The following TSPEAR variants were observed in gnomAD, a reference collection of about 807,000 sequenced individuals.
TSPEAR encodes the protein thrombospondin type laminin G domain and EAR repeats.
In TSPEAR, 69 loss-of-function variants were observed where a neutral mutation model predicts 71.6. The observed-to-expected ratio is 0.96, with a 90% CI of 0.79 to 1.18. The LOEUF is 1.18. Ranked by LOEUF, TSPEAR falls within the 50% of genes most tolerant of loss-of-function variation. The pLI, the probability that TSPEAR is intolerant of heterozygous loss-of-function variation, is 0.00. For synonymous variants in TSPEAR, 402 were observed against 387.2 expected, an observed-to-expected ratio of 1.04 and a Z score of -0.45; for missense variants, 971 against 894.9, an observed-to-expected ratio of 1.09 and a Z score of -1.09.
intron 2 of TSPEAR, among the ~76,000 whole-genome samples, chr21:44,559,717 T>C (rs2053606147): frequency 6.6e-6 from 1 of 152,222 alleles, no homozygotes; most frequent in Non-Finnish European, 1.5e-5. Context: ...CCCATGCCTG[T>C]GCCCGGGACC....
intron 8 of TSPEAR, among the ~76,000 whole-genome samples, chr21:44,523,086 TCAGCCAGC>T (rs1239260457): frequency 7.1e-6 from 1 of 140,118 alleles, no homozygotes; most frequent in Non-Finnish European, 1.5e-5. Flanking sequence ...AGTCAGTCAG[TCAGCCAGC>T]CAGCCAGCCA....
chr21:44,611,054 G>T (rs1163882514), intron 1 of TSPEAR, among the ~76,000 whole-genome samples: 3 of 152,154 alleles, frequency 2.0e-5, no homozygotes, highest in Non-Finnish European at 4.4e-5. Context: ...CTCATAGGTG[G>T]AAGAGACTTG....
intron 1 of TSPEAR, among the ~76,000 whole-genome samples, chr21:44,636,866 C>T (rs1346464981): frequency 6.6e-6 from 1 of 152,234 alleles, no homozygotes; most frequent in Non-Finnish European, 1.5e-5. Flanking sequence ...AGGGGAGGTC[C>T]TCCCTGTCCT....
At chr21:44,566,592 A>G (rs587759904) in intron 2 of TSPEAR, among the ~76,000 whole-genome samples, 1 of 152,320 alleles carries the variant, frequency 6.6e-6, no homozygotes, top group African/African-American at 2.4e-5. Context: ...ATAGTTCCCA[A>G]TTTAAAGATT....
At chr21:44,649,244 A>G (rs782700881) in intron 1 of TSPEAR, among the ~76,000 whole-genome samples, 13 of 152,136 alleles carry the variant, frequency 8.5e-5, no homozygotes, top group African/African-American at 1.4e-4. Flanking sequence ...GCCCAGTTGT[A>G]AGGGTGAGAG....
intron 1 of TSPEAR, among the ~76,000 whole-genome samples, chr21:44,648,934 T>C (rs1472682397): frequency 6.6e-6 from 1 of 152,154 alleles, no homozygotes; most frequent in African/African-American, 2.4e-5. Flanking sequence ...GTCCCCTCCC[T>C]TGTGAACGTG....
chr21:44,645,760 G>T (rs62219775), intron 1 of TSPEAR, among the ~76,000 whole-genome samples: 110,930 of 151,494 alleles, frequency 0.73, 40,692 homozygotes, highest in African/African-American at 0.76. Flanking sequence ...TATCTAATCA[G>T]TCCAGAAACA....
At chr21:44,675,713 G>A (rs184779804) in intron 1 of TSPEAR, among the ~76,000 whole-genome samples, 3 of 152,292 alleles carry the variant, frequency 2.0e-5, no homozygotes, top group Admixed American at 2.0e-4. Flanking sequence ...ATAGCAAGTG[G>A]AAAGAATATA....
chr21:44,585,421 C>A (rs1366012824), intron 1 of TSPEAR, among the ~76,000 whole-genome samples: 1 of 152,318 alleles, frequency 6.6e-6, no homozygotes, highest in East Asian at 1.9e-4. Flanking sequence ...GTCCCATCTT[C>A]TTTTAGTTCA....
chr21:44,688,306 C>T lies in TSPEAR; in HGVS notation c.82+23127G>A, dbSNP rs563176398. Among the ~76,000 whole-genome samples the T allele has an allele frequency of 9.2e-4, 138 of 149,700 alleles. 1 individual carries two copies. The highest frequency in any genetic ancestry group is 1.6e-3 in the Non-Finnish European group (107 of 67,198). The stretch of plus-strand genomic sequence containing the variant: ...AGTCATGAGGAAGCCAACACTCAAA[C>T]AGTGTGGCTGCCCCAGGGCAGGATG... On this transcript the variant is annotated intron_variant, in intron 1 of 11. Transcript: ENST00000323084.
chr21:44,654,164 A>T, intron 1 of TSPEAR: 1 of 828,468 alleles, frequency 1.2e-6, no homozygotes, highest in Non-Finnish European at 2.0e-6. Context: ...CAGGCGGTCT[A>T]GTCAGGTGAC....
At chr21:44,602,458 T>C (rs962541928) in intron 1 of TSPEAR, among the ~76,000 whole-genome samples, 2 of 152,184 alleles carry the variant, frequency 1.3e-5, no homozygotes, top group Admixed American at 6.5e-5. Context: ...GGAAACCCCA[T>C]GGCCGTGTGC....
At chr21:44,639,160 C>A (rs1207238913) in intron 1 of TSPEAR, among the ~76,000 whole-genome samples, 2 of 152,148 alleles carry the variant, frequency 1.3e-5, no homozygotes, top group African/African-American at 4.8e-5. Context: ...CCTTTTGGTC[C>A]CGTGGTCCTG....
intron 1 of TSPEAR, among the ~76,000 whole-genome samples, chr21:44,654,879 CTGG>C (rs1425198525): frequency 6.6e-6 from 1 of 152,056 alleles, no homozygotes; most frequent in Non-Finnish European, 1.5e-5. Context: ...GCAGGGGTAG[CTGG>C]TGAAGGGCTG....
intron 1 of TSPEAR, among the ~76,000 whole-genome samples, chr21:44,683,365 A>G (rs1986705372): frequency 6.6e-6 from 1 of 152,182 alleles, no homozygotes; most frequent in Non-Finnish European, 1.5e-5. Flanking sequence ...CTCATACACA[A>G]TCAAAATCAT....
At chr21:44,601,174 C>A (rs782273609) in intron 1 of TSPEAR, 19 of 1,602,724 alleles carry the variant, frequency 1.2e-5, no homozygotes, top group Non-Finnish European at 1.6e-5. Context: ...TGTGTCCAGT[C>A]CCTGCTGCCA....
intron 1 of TSPEAR, among the ~76,000 whole-genome samples, chr21:44,620,168 G>C (rs1982352121): frequency 6.6e-6 from 1 of 152,234 alleles, no homozygotes; most frequent in African/African-American, 2.4e-5. Context: ...AACATGCTGG[G>C]TTTGGGCACA....
Position 44,546,419 on chromosome 21 carries a change from CCG to C in TSPEAR, c.304-12498_304-12497del, listed in dbSNP as rs1443851025. Among the ~76,000 whole-genome samples, 9 of 152,340 alleles carry C rather than the reference CCG, an allele frequency of 5.9e-5. No individual in the cohort carries two copies. In the South Asian group the frequency reaches 1.0e-3, roughly 18 times the overall value. On this transcript the variant is annotated intron_variant, in intron 2 of 11. Transcript: ENST00000323084. The surrounding 1 kb of genome is among the most constrained non-coding windows in gnomAD (Gnocchi z 4.4). Reference sequence around the variant, plus strand: ...GTGCGATCTCTGCTCACTGCAAGCTCCGCCTCCCAGGTTCCCACCATTCTCCT... The same window carrying C: ...GTGCGATCTCTGCTCACTGCAAGCTCCCTCCCAGGTTCCCACCATTCTCCT...
At chr21:44,525,549 T>C (rs2052837474) in intron 8 of TSPEAR, 104 bp downstream of exon 8, 1 of 1,200,224 alleles carries the variant, frequency 8.3e-7, no homozygotes. Flanking sequence ...CTGTGCTGCA[T>C]GTGGCTTATT....
Sources: allele counts gnomAD v4.1 joint callset (sites outside exome capture counted in the v4.1 genomes callset), GRCh38; gene constraint gnomAD v4.1.1; non-coding constraint Gnocchi (gnomAD v3.1); transcripts MANE v1.5; gene names NCBI Gene and HGNC (gene_info 2026-07-23, HGNC 2026-07-21).